Variants in TENM3 observed in about 807,000 individuals in gnomAD.
The protein encoded by TENM3 is teneurin-3.
A neutral mutation model predicts 255.1 loss-of-function variants in TENM3; 63 were observed. That is an observed-to-expected ratio of 0.25 (90% CI 0.20 to 0.30). The LOEUF (loss-of-function observed/expected upper bound fraction) is 0.30. Ranked by LOEUF, TENM3 falls within the 10% of genes least tolerant of loss-of-function variation. The pLI is 1.00. For missense variants in TENM3, 2,929 were observed against 3,461.1 expected, an observed-to-expected ratio of 0.85 and a Z score of 3.86; for synonymous variants, 1,306 against 1,322.3, an observed-to-expected ratio of 0.99 and a Z score of 0.27.
the TENM3 span, among the ~76,000 whole-genome samples, chr4:181,485,452 T>G: frequency 6.6e-6 from 1 of 151,678 alleles, no homozygotes; most frequent in Non-Finnish European, 1.5e-5. Flanking sequence ...TAATTTATAT[T>G]AGATGTACTA....
At chr4:182,045,959 G>C in the TENM3 span, among the ~76,000 whole-genome samples, 2 of 152,104 alleles carry the variant, frequency 1.3e-5, no homozygotes, top group Non-Finnish European at 1.5e-5. Context: ...AGGATGGGAG[G>C]ATCACTTGAG....
At chr4:181,549,934 G>GTT in the TENM3 span, among the ~76,000 whole-genome samples, 171 of 151,496 alleles carry the variant, frequency 1.1e-3, 1 homozygote, top group African/African-American at 3.9e-3. Flanking sequence ...AAACCATACA[G>GTT]TTTTTTTTTC....
the TENM3 span, among the ~76,000 whole-genome samples, chr4:181,453,797 A>G: frequency 5.3e-5 from 8 of 152,254 alleles, no homozygotes; most frequent in East Asian, 1.5e-3. Flanking sequence ...ATTTTTTATG[A>G]CAGTCAGGTC....
chr4:182,690,361 G>A (rs1425665411), intron 12 of TENM3, among the ~76,000 whole-genome samples: 2 of 152,190 alleles, frequency 1.3e-5, no homozygotes. Context: ...AAGTTGATGA[G>A]CAGGATTTGT....
chr4:182,581,762 GA>G (rs1166181888), intron 3 of TENM3, among the ~76,000 whole-genome samples: 3 of 151,890 alleles, frequency 2.0e-5, no homozygotes, highest in African/African-American at 7.3e-5. Flanking sequence ...AAAGAAAAAA[GA>G]ATATTAGGAA....
At chr4:181,674,005 T>TGGGGAAA in the TENM3 span, among the ~76,000 whole-genome samples, 2 of 152,094 alleles carry the variant, frequency 1.3e-5, no homozygotes, top group East Asian at 3.9e-4. Flanking sequence ...CTTTATTTAT[T>TGGGGAAA]GGGGAAAGGG....
the TENM3 span, among the ~76,000 whole-genome samples, chr4:181,636,612 C>A: frequency 3.3e-5 from 5 of 152,132 alleles, no homozygotes; most frequent in African/African-American, 1.2e-4. Context: ...TTACTCTTGG[C>A]GCTACCTTCT....
chr4:181,504,007 A>C, the TENM3 span, among the ~76,000 whole-genome samples: 1 of 152,210 alleles, frequency 6.6e-6, no homozygotes, highest in East Asian at 1.9e-4. Flanking sequence ...TGGTTAATCC[A>C]AGGTTTTAGT....
chr4:182,764,097 A>G (rs1763452204), intron 22 of TENM3, among the ~76,000 whole-genome samples: 1 of 152,258 alleles, frequency 6.6e-6, no homozygotes, highest in Non-Finnish European at 1.5e-5. Context: ...AAAAGCAGCT[A>G]TGCCACCTAA....
At chr4:182,665,903 A>C (rs1263651138) in intron 6 of TENM3, among the ~76,000 whole-genome samples, 1 of 152,098 alleles carries the variant, frequency 6.6e-6, no homozygotes, top group Non-Finnish European at 1.5e-5. Flanking sequence ...CTCAAAAAAA[A>C]ATAACACCTT....
intron 3 of TENM3, among the ~76,000 whole-genome samples, chr4:182,377,036 A>G (rs746446154): frequency 7.2e-5 from 11 of 152,170 alleles, no homozygotes; most frequent in African/African-American, 1.2e-4. Context: ...GTCCCAGTGT[A>G]ATCCGTCCGC....
chr4:182,474,561 G>C (rs1733482817), intron 3 of TENM3, among the ~76,000 whole-genome samples: 1 of 152,138 alleles, frequency 6.6e-6, no homozygotes, highest in Non-Finnish European at 1.5e-5. Context: ...AATGAGAACT[G>C]TCCCAGATTG....
At chr4:182,177,581 A>T (rs1277327735) in intron 1 of TENM3, among the ~76,000 whole-genome samples, 1 of 151,498 alleles carries the variant, frequency 6.6e-6, no homozygotes, top group African/African-American at 2.4e-5. Context: ...TTTATTTAAA[A>T]TGGGGACATA....
intron 4 of TENM3, among the ~76,000 whole-genome samples, chr4:182,615,914 T>C (rs1472732424): frequency 6.6e-5 from 10 of 152,190 alleles, no homozygotes; most frequent in Admixed American, 6.5e-4. Flanking sequence ...TATACAGTCT[T>C]GAAGGGAGAC....
At chr4:181,827,927 C>A in the TENM3 span, among the ~76,000 whole-genome samples, 2 of 152,042 alleles carry the variant, frequency 1.3e-5, no homozygotes, top group African/African-American at 2.4e-5. Context: ...GTAGTGGGAA[C>A]CAATTCATTA....
At chr4:182,061,732 G>A in the TENM3 span, among the ~76,000 whole-genome samples, 1 of 152,252 alleles carries the variant, frequency 6.6e-6, no homozygotes, top group Non-Finnish European at 1.5e-5. Context: ...ACCGAGATGG[G>A]AGGATCCCTT....
chr4:182,121,315 A>G, the TENM3 span, among the ~76,000 whole-genome samples: 1 of 152,098 alleles, frequency 6.6e-6, no homozygotes. Flanking sequence ...CGCATTTTAA[A>G]AGGTGCACTC....
chr4:182,503,981 A>G (rs1277210006), intron 3 of TENM3, among the ~76,000 whole-genome samples: 1 of 151,676 alleles, frequency 6.6e-6, no homozygotes, highest in Non-Finnish European at 1.5e-5. Flanking sequence ...CTAACACTTC[A>G]TACTATCTGA....
intron 1 of TENM3, among the ~76,000 whole-genome samples, chr4:182,262,854 C>T (rs1758924835): frequency 6.6e-6 from 1 of 151,774 alleles, no homozygotes; most frequent in Non-Finnish European, 1.5e-5. Context: ...GCTGGGACTA[C>T]AGGCACCCAC....
Sources: allele counts gnomAD v4.1 joint callset (sites outside exome capture counted in the v4.1 genomes callset), GRCh38; gene constraint gnomAD v4.1.1; transcripts MANE v1.5; gene names NCBI Gene and HGNC (gene_info 2026-07-23, HGNC 2026-07-21).